The following AMPD3 variants were observed in gnomAD, a reference collection of about 807,000 sequenced individuals.
AMPD3 encodes the protein adenosine monophosphate deaminase 3.
Under a neutral mutation model 82.3 loss-of-function variants are expected in AMPD3, and 57 were observed. The ratio of observed to expected loss-of-function variants is 0.69; its 90% confidence interval spans 0.56 to 0.86. AMPD3 has a LOEUF of 0.86. Ranked by LOEUF, AMPD3 falls within the 40% of genes least tolerant of loss-of-function variation. AMPD3 has a pLI of 0.00. For synonymous variants in AMPD3, 381 were observed against 394.7 expected, an observed-to-expected ratio of 0.97 and a Z score of 0.41; for missense variants, 870 against 1,003.8, an observed-to-expected ratio of 0.87 and a Z score of 1.80.
chr11:10,451,227 C>G (rs1847955237), upstream of AMPD3, among the ~76,000 whole-genome samples: 1 of 152,234 alleles, frequency 6.6e-6, no homozygotes, highest in Non-Finnish European at 1.5e-5. Flanking sequence ...CTGTCCCTAC[C>G]CCTGCCTCTG....
chr11:10,505,432 A>G, intron 14 of AMPD3: 1 of 985,256 alleles, frequency 1.0e-6, no homozygotes, highest in Non-Finnish European at 1.2e-6. Context: ...CATCCCCAGC[A>G]GCTGCTGCAG....
intron 4 of AMPD3, chr11:10,484,167 G>A: frequency 2.4e-6 from 2 of 842,292 alleles, no homozygotes; most frequent in Non-Finnish European, 2.9e-6. Flanking sequence ...AAAGGAGTTT[G>A]CTGAAAGTCT....
intron 6 of AMPD3, chr11:10,490,598 C>T: frequency 1.0e-6 from 1 of 985,206 alleles, no homozygotes; most frequent in South Asian, 4.7e-5. Context: ...TTATTTTGTT[C>T]CTAAAATAAT....
chr11:10,484,751 G>A (rs1164588247), intron 4 of AMPD3, 69 bp from the exon 5 acceptor site: 27 of 1,569,092 alleles, frequency 1.7e-5, no homozygotes, highest in South Asian at 6.7e-5. Context: ...GCAGGCCTCC[G>A]TGTCTTTTGA....
chr11:10,453,095 G>A (rs539629528), upstream of AMPD3, among the ~76,000 whole-genome samples: 9 of 152,268 alleles, frequency 5.9e-5, no homozygotes, highest in East Asian at 1.9e-4. Context: ...GATTACAGGC[G>A]CCCGCTACCA....
In AMPD3 at chr11:10,485,057, C is replaced by G. The variant is rs757422669; in HGVS notation, c.809+18C>G. 1 of 1,604,402 alleles carries G rather than the reference C, an allele frequency of 6.2e-7. No individual in the cohort carries two copies. The highest frequency in any genetic ancestry group is 1.3e-5 in the African/African-American group (1 of 74,774). On this transcript the variant is annotated intron_variant, in intron 5 of 14. Transcript: ENST00000396553. ...GGCCCCACGTAAGCTAGCTTCTCCG[C>G]GGCTGCCTGTCTTTGCACAGGTGCT...
At chr11:10,493,285 T>C in intron 6 of AMPD3, 64 bp from the exon 7 acceptor site, 1 of 1,587,596 alleles carries the variant, frequency 6.3e-7, no homozygotes, top group Middle Eastern at 1.8e-4. Flanking sequence ...GAGGGTTGGA[T>C]GTCTTAACTC....
intron 11 of AMPD3, chr11:10,500,879 C>T (rs986836845): frequency 1.0e-6 from 1 of 985,326 alleles, no homozygotes; most frequent in Admixed American, 6.1e-5. Context: ...ACAAGTCTTG[C>T]ATCCCACTTT....
intron 2 of AMPD3, among the ~76,000 whole-genome samples, chr11:10,470,894 A>G (rs1306064708): frequency 2.6e-5 from 4 of 152,222 alleles, no homozygotes; most frequent in Non-Finnish European, 5.9e-5. Context: ...GCCCAAAGTA[A>G]TTTATAGGTT....
Position 10,470,399 on chromosome 11 carries a change from T to C in AMPD3, c.222-8127T>C, listed in dbSNP as rs191590426. Reference sequence around the variant, plus strand: ...AACTGGAAGCATTCCCTTTGAAAACTGGCGCAAGACAAGTATGCCCTCTCT... The same window carrying C: ...AACTGGAAGCATTCCCTTTGAAAACCGGCGCAAGACAAGTATGCCCTCTCT... On this transcript the variant is annotated intron_variant, in intron 2 of 14. Transcript: ENST00000396553. Among the ~76,000 whole-genome samples the C allele has an allele frequency of 3.2e-3, 484 of 152,288 alleles. 10 individuals carry two copies. The East Asian group carries it at 0.049, about 15-fold the overall frequency.
intron 10 of AMPD3, chr11:10,497,735 A>T: frequency 1.0e-6 from 1 of 985,224 alleles, no homozygotes; most frequent in Non-Finnish European, 1.2e-6. Flanking sequence ...AGGTGGGGGC[A>T]GGGGTGAGAG....
chr11:10,476,561 A>T (rs2133871627), intron 2 of AMPD3, among the ~76,000 whole-genome samples: 1 of 152,114 alleles, frequency 6.6e-6, no homozygotes, highest in Admixed American at 6.5e-5. Context: ...TGGTAGGACC[A>T]GACCTCAGGC....
upstream of AMPD3, among the ~76,000 whole-genome samples, chr11:10,452,358 T>C (rs1344158528): frequency 1.3e-5 from 2 of 152,068 alleles, no homozygotes; most frequent in African/African-American, 4.8e-5. Context: ...AGTATAATAA[T>C]CTCTTAGTTC....
At chr11:10,478,841 G>A in intron 3 of AMPD3, 111 bp downstream of exon 3, 3 of 1,225,592 alleles carry the variant, frequency 2.4e-6, no homozygotes, top group Non-Finnish European at 3.5e-6. Context: ...TGGATGTCTG[G>A]GAGAAGGTGA....
Position 10,462,125 on chromosome 11 carries a change from T to C in AMPD3, c.221+385T>C, listed in dbSNP as rs563281713. On this transcript the variant is annotated intron_variant, in intron 2 of 14. Transcript: ENST00000396553. ...CCGGGTGCTGTGCTGGGACTGGAGA[T>C]GTTATAATGAACAAGATAGATAGAG... 2.6e-5 allele frequency among the ~76,000 whole-genome samples: 4 copies of C among 152,314 alleles called. No homozygotes were observed. The South Asian group carries it at 8.3e-4, about 32-fold the overall frequency.
chr11:10,471,810 A>G (rs1848599889), intron 2 of AMPD3, among the ~76,000 whole-genome samples: 1 of 152,264 alleles, frequency 6.6e-6, no homozygotes, highest in Admixed American at 6.5e-5. Flanking sequence ...GATGCTGGAG[A>G]GGATGTGGAG....
At chr11:10,504,457 C>T (rs576056512) in intron 13 of AMPD3, 92 bp from the exon 14 acceptor site, 16 of 1,301,178 alleles carry the variant, frequency 1.2e-5, no homozygotes, top group Middle Eastern at 1.8e-4. Context: ...AAGTTAAACC[C>T]GCAGTGTCTG....
intron 2 of AMPD3, among the ~76,000 whole-genome samples, chr11:10,471,731 T>C (rs1303093001): frequency 2.0e-5 from 3 of 152,112 alleles, no homozygotes; most frequent in Non-Finnish European, 4.4e-5. Context: ...GAAATGCAAA[T>C]GAAAACCACA....
intron 1 of AMPD3, chr11:10,461,139 C>A: frequency 8.3e-7 from 1 of 1,199,480 alleles, no homozygotes; most frequent in African/African-American, 1.6e-5. Context: ...ACAGTATCCT[C>A]ATAGTCTGGA....
Sources: allele counts gnomAD v4.1 joint callset (sites outside exome capture counted in the v4.1 genomes callset), GRCh38; gene constraint gnomAD v4.1.1; transcripts MANE v1.5; gene names NCBI Gene and HGNC (gene_info 2026-07-23, HGNC 2026-07-21).